Variants in SH3KBP1 observed in about 807,000 individuals in gnomAD.
SH3KBP1 encodes SH3 domain containing kinase binding protein 1.
Under a neutral mutation model 50.1 loss-of-function variants are expected in SH3KBP1, and 8 were observed. That is an observed-to-expected ratio of 0.16 (90% CI 0.09 to 0.29). SH3KBP1 has a LOEUF of 0.29. Among genes scored for constraint, SH3KBP1 ranks in the 10% least tolerant of loss-of-function variants. SH3KBP1 has a pLI of 1.00. For missense variants in SH3KBP1, 377 were observed against 535.2 expected (o/e 0.70, Z 2.92); for synonymous variants, 227 against 218.6 (o/e 1.04, Z -0.34).
intron 13 of SH3KBP1, among the ~76,000 whole-genome samples, chrX:19,562,686 C>T (rs1161642733): frequency 9.0e-6 from 1 of 110,816 alleles, no homozygotes; most frequent in Non-Finnish European, 1.9e-5. Flanking sequence ...ACCACATTAC[C>T]AGGGGAGGCA....
Position 19,557,080 on chromosome X carries a change from G to A in SH3KBP1, c.1385-6997C>T, listed in dbSNP as rs148588710. 2.7e-5 allele frequency among the ~76,000 whole-genome samples: 3 copies of A among 112,005 alleles called. No individual in the cohort carries two copies. In the East Asian group the frequency reaches 8.4e-4, roughly 31 times the overall value. On this transcript the variant is annotated intron_variant, in intron 13 of 17. Transcript: ENST00000397821. ...TCATGTACACAAAACCCCATGCTGT[G>A]TGGGCATTACTATAATCCACAAAGA...
At chrX:19,856,291 A>G (rs997264945) in intron 1 of SH3KBP1, among the ~76,000 whole-genome samples, 8 of 111,996 alleles carry the variant, frequency 7.1e-5, no homozygotes, top group South Asian at 3.7e-4. Flanking sequence ...AAGAAAGTAG[A>G]TATCTTCTGA....
intron 2 of SH3KBP1, among the ~76,000 whole-genome samples, chrX:19,824,384 A>G (rs2147353060): frequency 8.9e-6 from 1 of 111,897 alleles, no homozygotes; most frequent in South Asian, 3.7e-4. Flanking sequence ...TATCGGTACC[A>G]TTGTGCAAAA....
At chrX:19,760,025 T>TCTCTCTCTC (rs1569459340) in intron 2 of SH3KBP1, among the ~76,000 whole-genome samples, 3 of 65,479 alleles carry the variant, frequency 4.6e-5, no homozygotes, top group Admixed American at 3.1e-4. Flanking sequence ...CTCTCTCTCC[T>TCTCTCTCTC]CTCTCTCTCT....
At chrX:19,551,874 A>AC (rs199922396) in intron 13 of SH3KBP1, among the ~76,000 whole-genome samples, 5 of 109,747 alleles carry the variant, frequency 4.6e-5, no homozygotes, top group African/African-American at 6.7e-5. Flanking sequence ...TGACATGAAC[A>AC]CCCCCCCAAT....
intron 5 of SH3KBP1, among the ~76,000 whole-genome samples, chrX:19,689,889 A>C (rs1422637686): frequency 8.9e-6 from 1 of 111,942 alleles, no homozygotes; most frequent in Non-Finnish European, 1.9e-5. Flanking sequence ...AAAGAAAAAA[A>C]GTCTAATGAT....
intron 8 of SH3KBP1, 33 bp from the exon 9 acceptor site, chrX:19,608,078 G>A: frequency 8.8e-7 from 1 of 1,131,634 alleles, no homozygotes; most frequent in Non-Finnish European, 1.2e-6. Context: ...GTGAGAGATG[G>A]GGGCAAGCAG....
At chrX:19,538,142 A>G (rs2064773485) in intron 16 of SH3KBP1, among the ~76,000 whole-genome samples, 1 of 111,730 alleles carries the variant, frequency 9.0e-6, no homozygotes, top group Non-Finnish European at 1.9e-5. Flanking sequence ...TGACAGGTTC[A>G]TATTCTGTCA....
chrX:19,837,563 C>A (rs1408322260), intron 1 of SH3KBP1, among the ~76,000 whole-genome samples: 1 of 103,779 alleles, frequency 9.6e-6, no homozygotes, highest in South Asian at 4.5e-4. Context: ...CCACCTCCCA[C>A]GTTCAAGCGA....
chrX:19,828,796 AT>A (rs776748560), intron 2 of SH3KBP1, among the ~76,000 whole-genome samples: 8 of 111,738 alleles, frequency 7.2e-5, no homozygotes, highest in Non-Finnish European at 1.5e-4. Flanking sequence ...AAATAAAAAA[AT>A]AAATTAAAAA....
chrX:19,757,428 C>T (rs2065243154), intron 2 of SH3KBP1, among the ~76,000 whole-genome samples: 1 of 110,181 alleles, frequency 9.1e-6, no homozygotes, highest in African/African-American at 3.3e-5. Context: ...TTTACAGGTG[C>T]AGTTGTCCCC....
chrX:19,623,042 C>CAAA (rs773914815), intron 8 of SH3KBP1, among the ~76,000 whole-genome samples: 39 of 22,112 alleles, frequency 1.8e-3, no homozygotes, highest in Non-Finnish European at 2.0e-3. Context: ...CACTCTGACT[C>CAAA]AAAAAAAAAA....
chrX:19,554,080 T>TATC (rs751773650), intron 13 of SH3KBP1, among the ~76,000 whole-genome samples: 1,951 of 56,917 alleles, frequency 0.034, 125 homozygotes, highest in Non-Finnish European at 0.045. Context: ...ATACATTATA[T>TATC]ATATTAAAAT....
chrX:19,649,577 C>A (rs2062075244), intron 6 of SH3KBP1, among the ~76,000 whole-genome samples: 1 of 111,781 alleles, frequency 8.9e-6, no homozygotes, highest in Admixed American at 9.5e-5. Flanking sequence ...TTTTAAAAAT[C>A]AATAATTCAG....
intron 1 of SH3KBP1, among the ~76,000 whole-genome samples, chrX:19,862,281 C>A (rs2068796499): frequency 8.9e-6 from 1 of 112,128 alleles, no homozygotes; most frequent in Admixed American, 9.5e-5. Flanking sequence ...GCTATTGTTT[C>A]TGTTGTTAAT....
chrX:19,651,081 C>G (rs769254709), intron 6 of SH3KBP1, among the ~76,000 whole-genome samples: 5 of 110,604 alleles, frequency 4.5e-5, no homozygotes, highest in Non-Finnish European at 9.5e-5. Flanking sequence ...TCATGAACAC[C>G]TATGACAGAT....
intron 15 of SH3KBP1, among the ~76,000 whole-genome samples, chrX:19,542,546 C>T (rs755370201): frequency 1.8e-5 from 2 of 111,472 alleles, no homozygotes; most frequent in South Asian, 3.8e-4. Flanking sequence ...AGCTCAGAAC[C>T]CAGTGGGGCG....
At chrX:19,632,715 T>C (rs2061605894) in intron 7 of SH3KBP1, among the ~76,000 whole-genome samples, 1 of 112,896 alleles carries the variant, frequency 8.9e-6, no homozygotes, top group South Asian at 3.6e-4. Flanking sequence ...CTTTTGAAAG[T>C]CCATGTGCTG....
chrX:19,542,099 G>T lies in SH3KBP1; in HGVS notation c.1718C>A (p.Pro573His). ...PAPLSSAAPSPLSSSLGTAGH... is the reference protein window; with the variant it reads ...PAPLSSAAPSHLSSSLGTAGH... Reference sequence around the variant, plus strand: ...AGCTGTTCCCAAAGAGGATGACAGGGGGGAGGGCGCCGCTGAGGACAGAGG... The same window carrying T: ...AGCTGTTCCCAAAGAGGATGACAGGTGGGAGGGCGCCGCTGAGGACAGAGG... The change falls in exon 16 of 18, where the codon CCC (proline) becomes CAC (histidine). Residue 573 changes from proline to histidine, a missense_variant. Pro to His is a moderately conservative substitution (Grantham distance 77). Coordinates refer to ENST00000397821, the MANE Select transcript of SH3KBP1 (RefSeq NM_031892.3). The T allele has an allele frequency of 7.4e-6, 9 of 1,211,490 alleles. No homozygotes were observed. The highest frequency in any genetic ancestry group is 1.0e-5 in the Non-Finnish European group (9 of 895,287).
Sources: allele counts gnomAD v4.1 joint callset (sites outside exome capture counted in the v4.1 genomes callset), GRCh38; gene constraint gnomAD v4.1.1; transcripts MANE v1.5; gene names NCBI Gene and HGNC (gene_info 2026-07-23, HGNC 2026-07-21).